Variants in PHF21B observed in about 807,000 individuals in gnomAD.
PHF21B encodes PHD finger protein 21B.
In PHF21B, 22 loss-of-function variants were observed where a neutral mutation model predicts 62.2. That is an observed-to-expected ratio of 0.35 (90% confidence interval 0.25 to 0.51). The LOEUF (loss-of-function observed/expected upper bound fraction) is 0.51. PHF21B is among the 20% of genes least tolerant of loss of function. The probability of loss-of-function intolerance (pLI) is 0.97; values close to 1 mark genes in which losing one functional copy is unlikely to be tolerated. For synonymous variants in PHF21B, 341 were observed against 314.7 expected, an observed-to-expected ratio of 1.08 and a Z score of -0.88; for missense variants, 701 against 707.9, an observed-to-expected ratio of 0.99 and a Z score of 0.11.
intron 4 of PHF21B, among the ~76,000 whole-genome samples, chr22:44,914,451 C>T (rs1044778927): frequency 1.3e-5 from 2 of 152,190 alleles, no homozygotes; most frequent in Non-Finnish European, 2.9e-5. Flanking sequence ...CCAGGGAGGC[C>T]GTGCACACTC....
intron 2 of PHF21B, among the ~76,000 whole-genome samples, chr22:45,002,204 C>T (rs2073232654): frequency 6.6e-6 from 1 of 152,126 alleles, no homozygotes; most frequent in African/African-American, 2.4e-5. Context: ...GTTGTATTGA[C>T]ATATATCAAT....
intron 5 of PHF21B, chr22:44,901,959 G>T: frequency 4.7e-6 from 1 of 211,172 alleles, no homozygotes; most frequent in South Asian, 9.2e-5. Context: ...ATTGAGCCAT[G>T]GCAAAAACCC....
intron 2 of PHF21B, among the ~76,000 whole-genome samples, chr22:45,005,907 C>T (rs1304134825): frequency 1.3e-5 from 2 of 152,172 alleles, no homozygotes; most frequent in Non-Finnish European, 2.9e-5. Context: ...CATTTCGGCT[C>T]CTTCTGGGCA....
intron 2 of PHF21B, among the ~76,000 whole-genome samples, chr22:44,995,482 G>A (rs2147514663): frequency 6.6e-6 from 1 of 152,138 alleles, no homozygotes; most frequent in Non-Finnish European, 1.5e-5. Context: ...TGAGAGATAA[G>A]CACCCTTGAA....
intron 2 of PHF21B, among the ~76,000 whole-genome samples, chr22:45,005,376 T>A (rs1160699828): frequency 4.6e-5 from 7 of 152,194 alleles, no homozygotes; most frequent in Non-Finnish European, 1.5e-5. Context: ...TTTTTTTTAG[T>A]GGAAAATATG....
chr22:44,895,976 C>T (rs561515235), intron 6 of PHF21B, 56 bp downstream of exon 6: 3 of 1,600,464 alleles, frequency 1.9e-6, no homozygotes, highest in Non-Finnish European at 2.6e-6. Flanking sequence ...GCCCCCAACA[C>T]CCCGGCTTTC....
chr22:45,008,719 C>T, intron 1 of PHF21B, 109 bp from the exon 2 acceptor site: 3 of 1,172,322 alleles, frequency 2.6e-6, no homozygotes, highest in Non-Finnish European at 3.2e-6. Context: ...CGGGGCCGGC[C>T]GCAGCGCACC....
chr22:44,943,676 G>A (rs2072007416), intron 2 of PHF21B, among the ~76,000 whole-genome samples: 2 of 152,182 alleles, frequency 1.3e-5, no homozygotes, highest in Admixed American at 6.5e-5. Flanking sequence ...TCGACGGACA[G>A]GTTTGGGGTC....
intron 6 of PHF21B, among the ~76,000 whole-genome samples, chr22:44,895,246 A>G (rs1039465973): frequency 7.2e-5 from 11 of 152,040 alleles, no homozygotes; most frequent in African/African-American, 2.4e-4. Context: ...CAGCTTCCCC[A>G]TGGGGGCTTC....
At chr22:44,944,846 G>A (rs2072032377) in intron 2 of PHF21B, among the ~76,000 whole-genome samples, 1 of 115,786 alleles carries the variant, frequency 8.6e-6, no homozygotes, top group Non-Finnish European at 1.8e-5. Flanking sequence ...TCAGGGGCCT[G>A]GAAGGAAGGA....
intron 2 of PHF21B, among the ~76,000 whole-genome samples, chr22:44,926,626 G>A (rs2071637582): frequency 6.6e-6 from 1 of 152,246 alleles, no homozygotes. Flanking sequence ...GGAGGCCGAG[G>A]ACAGCCATGT....
intron 5 of PHF21B, among the ~76,000 whole-genome samples, chr22:44,898,269 T>C (rs1319023890): frequency 6.6e-6 from 1 of 152,188 alleles, no homozygotes; most frequent in Non-Finnish European, 1.5e-5. Flanking sequence ...TTGGGATTTG[T>C]CTGATATTTT....
chr22:44,902,059 G>C (rs560876786), intron 5 of PHF21B: 1 of 230,776 alleles, frequency 4.3e-6, no homozygotes, highest in South Asian at 8.0e-5. Context: ...GCAAGAGGGC[G>C]GTTCTCCTGA....
At chr22:45,004,615 G>GT (rs528538736) in intron 2 of PHF21B, among the ~76,000 whole-genome samples, 234 of 152,302 alleles carry the variant, frequency 1.5e-3, no homozygotes, top group African/African-American at 5.1e-3. Context: ...CTGGAGGAGA[G>GT]TAAGCTTGGG....
chr22:44,904,946 G>T (rs969531111), intron 5 of PHF21B, among the ~76,000 whole-genome samples: 1 of 152,170 alleles, frequency 6.6e-6, no homozygotes, highest in Non-Finnish European at 1.5e-5. Context: ...GAGGCCCCCG[G>T]CACATCTGTC....
chr22:44,907,689 C>A (rs2071275531), intron 5 of PHF21B, among the ~76,000 whole-genome samples: 1 of 152,222 alleles, frequency 6.6e-6, no homozygotes, highest in African/African-American at 2.4e-5. Flanking sequence ...TTACATCTAT[C>A]CTGATTCTGG....
intron 2 of PHF21B, among the ~76,000 whole-genome samples, chr22:44,939,634 A>C (rs1048389187): frequency 7.9e-5 from 12 of 152,164 alleles, no homozygotes; most frequent in African/African-American, 2.7e-4. Flanking sequence ...TGGGACACCC[A>C]GCCCGTCCTG....
chr22:44,885,288 C>T (rs2070836096), intron 12 of PHF21B, 138 bp downstream of exon 12: 5 of 748,102 alleles, frequency 6.7e-6, no homozygotes, highest in South Asian at 4.2e-5. Context: ...GCCTGTCCAC[C>T]AGGCCCTGGC....
At chr22:44,934,734 G>C (rs761600641) in intron 2 of PHF21B, among the ~76,000 whole-genome samples, 8 of 152,116 alleles carry the variant, frequency 5.3e-5, no homozygotes, top group Non-Finnish European at 1.2e-4. Context: ...AGAACTAAAG[G>C]TCCCCTCAGC....
Sources: gnomAD v4.1 joint callset for allele counts (sites outside exome capture counted in the v4.1 genomes callset) on GRCh38, gnomAD v4.1.1 for gene constraint, MANE v1.5 for transcripts, NCBI Gene and HGNC (gene_info 2026-07-23, HGNC 2026-07-21) for gene names.